Variants in OPA3 observed in about 807,000 individuals in gnomAD.
The protein encoded by OPA3 is outer mitochondrial membrane lipid metabolism regulator OPA3.
Under a neutral mutation model 4.0 loss-of-function variants are expected in OPA3, and 6 were observed. The observed-to-expected ratio is 1.51, with a 90% CI of 0.83 to 2.99. The LOEUF (loss-of-function observed/expected upper bound fraction) is 2.99. OPA3 is among the 30% of genes most tolerant of loss of function. The pLI is 0.00. For missense variants in OPA3, 235 were observed against 256.2 expected, an observed-to-expected ratio of 0.92 and a Z score of 0.56; for synonymous variants, 105 against 117.1, an observed-to-expected ratio of 0.90 and a Z score of 0.67.
chr19:45,578,645 T>C (rs966431066), intron 1 of OPA3, among the ~76,000 whole-genome samples: 1 of 151,702 alleles, frequency 6.6e-6, no homozygotes, highest in Non-Finnish European at 1.5e-5. Flanking sequence ...CTGATCAACA[T>C]GGAGAAACCC....
intron 1 of OPA3, among the ~76,000 whole-genome samples, chr19:45,537,282 A>G (rs897739935): frequency 1.4e-5 from 2 of 146,558 alleles, no homozygotes; most frequent in Non-Finnish European, 3.0e-5. Flanking sequence ...TCCGCCTCCC[A>G]GCTACTCAGC....
At chr19:45,540,583 A>T (rs374670212) in intron 1 of OPA3, among the ~76,000 whole-genome samples, 2 of 129,650 alleles carry the variant, frequency 1.5e-5, no homozygotes, top group African/African-American at 2.7e-5. Flanking sequence ...AAAAAAAAAA[A>T]GGGGGCCAGG....
At position 45,552,923 on chromosome 19, in the gene OPA3, G is replaced by A. The variant is rs905983562; in HGVS notation, c.*591C>T. 1.8e-5 allele frequency: 16 copies of A among 898,040 alleles called. No individual in the cohort carries two copies. Among genetic ancestry groups the A allele is most frequent in the East Asian group, 1.2e-4 (1 of 8,416 alleles). 55.6% of individuals were successfully genotyped at this position (898,040 alleles called of 1,614,324 possible). A position where few individuals can be genotyped will look rare whatever the true frequency, so the allele number is the denominator to read the frequency against. The stretch of plus-strand genomic sequence containing the variant: ...ACTCCTGACCTCAAGTGATCCGCCC[G>A]CCTCGGCCTCCCAAGGTGCTAGGAT... On this transcript the variant is annotated 3_prime_UTR_variant, in exon 2 of 2. Transcript: ENST00000263275.
At chr19:45,529,189 T>G (rs1183773401) in exon 2 of OPA3, 3 of 1,610,842 alleles carry the variant, frequency 1.9e-6, no homozygotes, top group Non-Finnish European at 2.5e-6. Context: ...CACCTGCGCC[T>G]GCAACTCCTC....
intron 1 of OPA3, among the ~76,000 whole-genome samples, chr19:45,575,184 T>C (rs1215286896): frequency 3.3e-5 from 5 of 152,034 alleles, no homozygotes; most frequent in Non-Finnish European, 7.3e-5. Context: ...CACTGCAGCC[T>C]CCACCTCTCT....
intron 1 of OPA3, among the ~76,000 whole-genome samples, chr19:45,566,125 G>C (rs1969578214): frequency 6.6e-6 from 1 of 152,078 alleles, no homozygotes; most frequent in African/African-American, 2.4e-5. Context: ...AGGAATATAA[G>C]ATTGGTTTAA....
At chr19:45,558,162 C>G (rs1010991698) in intron 1 of OPA3, among the ~76,000 whole-genome samples, 2 of 152,012 alleles carry the variant, frequency 1.3e-5, no homozygotes, top group African/African-American at 4.8e-5. Flanking sequence ...TGAAACCCAT[C>G]TCCAGTAAAA....
intron 1 of OPA3, among the ~76,000 whole-genome samples, chr19:45,555,040 T>C (rs529404061): frequency 1.3e-5 from 2 of 152,324 alleles, no homozygotes; most frequent in South Asian, 2.1e-4. Context: ...TCCACCTGCG[T>C]TGGCCTCTCA....
chr19:45,548,659 TTA>T lies in OPA3; in HGVS notation c.*4853_*4854del. The T allele has an allele frequency of 1.1e-6, 1 of 907,374 alleles. No individual in the cohort carries two copies. The highest frequency in any genetic ancestry group is 1.2e-6 in the Non-Finnish European group (1 of 800,710). 56.2% of individuals were successfully genotyped at this position (907,374 alleles called of 1,614,324 possible). A position where few individuals can be genotyped will look rare whatever the true frequency, so the allele number is the denominator to read the frequency against. ...CAGTGAGTTTTGTGTTTTATTTTTT[TTA>T]TTTTTTTTTTTTTTGCGGGAGACGC... On this transcript the variant is annotated 3_prime_UTR_variant, in exon 2 of 2. Coordinates refer to ENST00000263275, the MANE Select transcript of OPA3 (RefSeq NM_025136.4).
intron 1 of OPA3, among the ~76,000 whole-genome samples, chr19:45,574,584 T>C (rs575566611): frequency 5.7e-4 from 87 of 152,216 alleles, no homozygotes; most frequent in African/African-American, 1.9e-3. Context: ...TGGAGGCTCA[T>C]AGAGGTCAAG....
At chr19:45,544,381 G>A (rs9789254), downstream of OPA3, among the ~76,000 whole-genome samples, 78,609 of 152,004 alleles carry the variant, frequency 0.52, 21,340 homozygotes, top group Middle Eastern at 0.68. Flanking sequence ...TGATGGGGGC[G>A]GGGCACGGTG....
chr19:45,548,103 A>T lies in OPA3; in HGVS notation c.*5411T>A. 1.0e-6 allele frequency: 1 copy of T among 985,190 alleles called. No homozygotes were observed. The highest frequency in any genetic ancestry group is 1.2e-6 in the Non-Finnish European group (1 of 829,734). The allele number at this position is 985,190 out of a possible 1,614,324, so 61.0% of individuals were successfully genotyped here. A position where few individuals can be genotyped will look rare whatever the true frequency, so the allele number is the denominator to read the frequency against. Reference sequence around the variant, plus strand: ...CAGCTACTAGAATGGAGCCTGGTGCAGTTGATCCTCAGTACACTCAGAGTT... The same window carrying T: ...CAGCTACTAGAATGGAGCCTGGTGCTGTTGATCCTCAGTACACTCAGAGTT... On this transcript the variant is annotated 3_prime_UTR_variant, in exon 2 of 2. Transcript: ENST00000263275.
Position 45,550,868 on chromosome 19 carries a change from C to A in OPA3, c.*2646G>T. On this transcript the variant is annotated 3_prime_UTR_variant, in exon 2 of 2. Coordinates refer to ENST00000263275, the MANE Select transcript of OPA3 (RefSeq NM_025136.4). Reference sequence around the variant, plus strand: ...ACCCCCTCCCGCTTCAGTGGCAGATCCTGGAAGAGAAACCCAGTAGAAAAG... The same window carrying A: ...ACCCCCTCCCGCTTCAGTGGCAGATACTGGAAGAGAAACCCAGTAGAAAAG... 1.0e-6 allele frequency: 1 copy of A among 985,978 alleles called. No homozygotes were observed. Among genetic ancestry groups the A allele is most frequent in the Non-Finnish European group, 1.2e-6 (1 of 830,060 alleles). 61.1% of individuals were successfully genotyped at this position (985,978 alleles called of 1,614,324 possible).
intron 1 of OPA3, among the ~76,000 whole-genome samples, chr19:45,556,506 C>T (rs1463793080): frequency 6.6e-6 from 1 of 152,020 alleles, no homozygotes; most frequent in African/African-American, 2.4e-5. Context: ...ATAGATGCCC[C>T]ACCATGCCTG....
At chr19:45,528,934 C>G (rs1969025536) in exon 2 of OPA3, 1 of 1,228,294 alleles carries the variant, frequency 8.1e-7, no homozygotes, top group Non-Finnish European at 1.1e-6. Flanking sequence ...CTCCGGCGCC[C>G]CCGAAGGACT....
Position 45,529,421 on chromosome 19 carries a change from T to C in OPA3, c.178A>G (p.Ile60Val), listed in dbSNP as rs141142300. 5.0e-6 allele frequency: 8 copies of C among 1,614,088 alleles called. No individual in the cohort carries two copies. The African/African-American group carries it at 9.3e-5, about 19-fold the overall frequency. The change falls in exon 2 of 2, where the codon ATC becomes GTC. Residue 60 changes from isoleucine to valine, a missense_variant. Physicochemically the swap from Ile to Val is conservative, Grantham distance 29 (BLOSUM62 3). Transcript: ENST00000323060. ...ATGGCAGCGGCATTGAAACCCATGA[T>C]GCGCATTTTGGTCCGCATCTCCAGC...
chr19:45,537,188 TTTTG>T (rs35820605), intron 1 of OPA3, among the ~76,000 whole-genome samples: 1 of 151,892 alleles, frequency 6.6e-6, no homozygotes, highest in Non-Finnish European at 1.5e-5. Context: ...CGAACTTGTT[TTTTG>T]TTTGTTTGTT....
At position 45,546,467 on chromosome 19, in the gene OPA3, A is replaced by G; in HGVS notation, c.*7047T>C. On this transcript the variant is annotated 3_prime_UTR_variant, in exon 2 of 2. Coordinates refer to ENST00000263275, the MANE Select transcript of OPA3 (RefSeq NM_025136.4). Reference sequence around the variant, plus strand: ...TACATAGAATTGTAAATTATTGTATAAATATGCACACGATGGATTACATAA... The same window carrying G: ...TACATAGAATTGTAAATTATTGTATGAATATGCACACGATGGATTACATAA... 1 of 620,726 alleles carries G rather than the reference A, an allele frequency of 1.6e-6. No homozygotes were observed. Among genetic ancestry groups the G allele is most frequent in the East Asian group, 1.4e-4 (1 of 7,012 alleles). The allele number at this position is 620,726 out of a possible 1,614,324, so 38.5% of individuals were successfully genotyped here. A position where few individuals can be genotyped will look rare whatever the true frequency, so the allele number is the denominator to read the frequency against.
intron 1 of OPA3, among the ~76,000 whole-genome samples, chr19:45,559,854 C>A (rs1969478895): frequency 6.6e-6 from 1 of 151,940 alleles, no homozygotes; most frequent in Non-Finnish European, 1.5e-5. Context: ...ACGAGGCCGG[C>A]CTTAATAAAT....
Sources: allele counts gnomAD v4.1 joint callset (sites outside exome capture counted in the v4.1 genomes callset), GRCh38; gene constraint gnomAD v4.1.1; transcripts MANE v1.5; gene names NCBI Gene and HGNC (gene_info 2026-07-23, HGNC 2026-07-21).